NDNF: variants seen among roughly 807,000 people sequenced by gnomAD.
NDNF encodes the protein neuron derived neurotrophic factor.
A neutral mutation model predicts 42.0 loss-of-function variants in NDNF; 16 were observed. The ratio of observed to expected loss-of-function variants is 0.38; its 90% CI spans 0.26 to 0.58. The LOEUF is 0.58. Among genes scored for constraint, NDNF ranks in the 20% least tolerant of loss-of-function variants. NDNF has a pLI of 0.67. For synonymous variants in NDNF, 248 were observed against 251.7 expected (o/e 0.99, Z 0.14); for missense variants, 616 against 666.2 (o/e 0.92, Z 0.83).
chr4:121,045,736 G>A lies in NDNF; in HGVS notation c.102C>T (p.Ile34=), dbSNP rs1249769002. ...AATCATGAAAAAATGCCTTGTCCCGGATCTGCATCTGAAAAAGTTCCTCAT... is the reference window on the plus strand; with the variant it reads ...AATCATGAAAAAATGCCTTGTCCCGAATCTGCATCTGAAAAAGTTCCTCAT... ...TRDEELFQMQ[I]RDKAFFHDSS... The change falls in exon 2 of 4, where the codon ATC becomes ATT. Residue 34 remains isoleucine (I), a synonymous_variant. Transcript: ENST00000379692. 1 of 1,614,048 alleles carries A rather than the reference G, an allele frequency of 6.2e-7. No homozygotes were observed. Among genetic ancestry groups the A allele is most frequent in the East Asian group, 2.2e-5 (1 of 44,904 alleles).
At chr4:121,042,894 G>A (rs10023698) in intron 2 of NDNF, among the ~76,000 whole-genome samples, 125 of 152,210 alleles carry the variant, frequency 8.2e-4, no homozygotes, top group African/African-American at 2.9e-3. Flanking sequence ...TAACTTAAAC[G>A]TAGGTCATAG....
At chr4:121,066,284 G>A (rs1040220893) in intron 1 of NDNF, among the ~76,000 whole-genome samples, 5 of 152,290 alleles carry the variant, frequency 3.3e-5, no homozygotes, top group South Asian at 4.1e-4. Context: ...AGTTTACTAC[G>A]TGTCTTAGCT....
At chr4:121,061,193 G>C (rs1727399081) in intron 1 of NDNF, 1 of 152,264 alleles carries the variant, frequency 6.6e-6, no homozygotes, top group African/African-American at 2.4e-5. Flanking sequence ...CTCCGGAAAG[G>C]TTAGAAAATA....
At chr4:121,049,854 C>A (rs1252540428) in intron 1 of NDNF, among the ~76,000 whole-genome samples, 4 of 152,254 alleles carry the variant, frequency 2.6e-5, no homozygotes, top group Middle Eastern at 3.4e-3. Context: ...CAATTATGGG[C>A]AAAACATACT....
At chr4:121,041,148 C>T (rs968616051) in intron 2 of NDNF, among the ~76,000 whole-genome samples, 2 of 152,094 alleles carry the variant, frequency 1.3e-5, no homozygotes, top group African/African-American at 4.8e-5. Flanking sequence ...TATTGTAATG[C>T]CTTAAAAAGA....
At chr4:121,043,713 A>G (rs1246001930) in intron 2 of NDNF, among the ~76,000 whole-genome samples, 1 of 152,232 alleles carries the variant, frequency 6.6e-6, no homozygotes, top group Non-Finnish European at 1.5e-5. Context: ...ATTGGATTAC[A>G]TAATGTGGAA....
rs1188517257 is a variant in NDNF at position 121,072,408 on chromosome 4, G to A, written c.-417C>T. On this transcript the variant is annotated 5_prime_UTR_variant, in exon 1 of 4. Transcript: ENST00000379692. ...GCGCGGGCTTCGCCGGCCGCCGCTA[G>A]TCGCACAGGCGCCTGGCTGGAGCGC... 6.6e-6 allele frequency: 1 copy of A among 151,432 alleles called. No homozygotes were observed. The highest frequency in any genetic ancestry group is 2.0e-4 in the East Asian group (1 of 5,108). 9.4% of individuals were successfully genotyped at this position (151,432 alleles called of 1,614,324 possible).
At chr4:121,047,546 T>C (rs1727115097) in intron 1 of NDNF, among the ~76,000 whole-genome samples, 1 of 152,194 alleles carries the variant, frequency 6.6e-6, no homozygotes, top group Non-Finnish European at 1.5e-5. Flanking sequence ...CCATAATAAC[T>C]TATTATGAGG....
At chr4:121,050,819 G>T (rs1727180713) in intron 1 of NDNF, among the ~76,000 whole-genome samples, 1 of 152,108 alleles carries the variant, frequency 6.6e-6, no homozygotes, top group Admixed American at 6.6e-5. Flanking sequence ...ATGACCTAAT[G>T]ATTTGATACA....
At chr4:121,065,291 A>G (rs968930391) in intron 1 of NDNF, among the ~76,000 whole-genome samples, 2 of 151,656 alleles carry the variant, frequency 1.3e-5, no homozygotes. Context: ...ATCTTCTGGT[A>G]TTTCCTTCTT....
chr4:121,065,838 T>C (rs997820757), intron 1 of NDNF, among the ~76,000 whole-genome samples: 1 of 152,122 alleles, frequency 6.6e-6, no homozygotes, highest in African/African-American at 2.4e-5. Flanking sequence ...TTAAAATATC[T>C]TTGTAAAATG....
intron 1 of NDNF, among the ~76,000 whole-genome samples, chr4:121,061,629 T>C (rs1027295691): frequency 6.6e-6 from 1 of 152,208 alleles, no homozygotes; most frequent in Non-Finnish European, 1.5e-5. Context: ...TGCAAACACC[T>C]GAATTTATTT....
intron 1 of NDNF, among the ~76,000 whole-genome samples, chr4:121,060,017 C>A (rs951480775): frequency 1.3e-5 from 2 of 152,076 alleles, no homozygotes; most frequent in Non-Finnish European, 2.9e-5. Context: ...TTTGTTAGAA[C>A]TTTCTAATCT....
intron 1 of NDNF, among the ~76,000 whole-genome samples, chr4:121,069,154 C>T (rs907496979): frequency 2.2e-4 from 33 of 152,156 alleles, no homozygotes. Context: ...ACAAGGTTCA[C>T]GCAGCCAACT....
chr4:121,071,209 C>G (rs574431224), intron 1 of NDNF, among the ~76,000 whole-genome samples: 28 of 152,238 alleles, frequency 1.8e-4, no homozygotes, highest in African/African-American at 6.5e-4. Context: ...GACGAGGGCA[C>G]GAAGCCGAGT....
At chr4:121,060,965 G>A (rs1242497625) in intron 1 of NDNF, among the ~76,000 whole-genome samples, 2 of 152,146 alleles carry the variant, frequency 1.3e-5, no homozygotes, top group Non-Finnish European at 2.9e-5. Flanking sequence ...ATAGATAGAT[G>A]AGTGAGTAGA....
intron 1 of NDNF, among the ~76,000 whole-genome samples, chr4:121,049,348 T>C (rs1490779258): frequency 1.3e-5 from 2 of 152,190 alleles, no homozygotes; most frequent in Non-Finnish European, 2.9e-5. Flanking sequence ...CTACCACCGA[T>C]TATAGAAGAT....
Position 121,040,118 on chromosome 4 carries a change from C to A in NDNF, c.189-64G>T, listed in dbSNP as rs558163073. 1.0e-4 allele frequency: 150 copies of A among 1,466,230 alleles called. No individual in the cohort carries two copies. The African/African-American group carries it at 2.0e-3, about 19-fold the overall frequency. The allele number at this position is 1,466,230 out of a possible 1,614,324, so 90.8% of individuals were successfully genotyped here. The stretch of plus-strand genomic sequence containing the variant: ...TTCTAACATTTACAATCAAGACTTA[C>A]CAGAAAAATCATTTGGTTTTAATTT... On this transcript the variant is annotated intron_variant, in intron 2 of 3. Coordinates refer to ENST00000379692, the MANE Select transcript of NDNF (RefSeq NM_024574.4).
Position 121,040,002 on chromosome 4 carries a change from G to C in NDNF, c.241C>G (p.Pro81Ala), listed in dbSNP as rs764598097. The change falls in exon 3 of 4, where the codon CCC (proline) becomes GCC (alanine). Residue 81 changes from proline (P) to alanine (A), a missense_variant. By Grantham distance (27) the Pro-to-Ala change is conservative. Transcript: ENST00000379692. ...TTCCACTCCAAAGGCGCATCACAGG[G>C]CGTCACTGTGACTGATAATGGAGTA... Reference protein sequence around the residue: ...DNTPLSVTVTPCDAPLEWKLS... With the variant: ...DNTPLSVTVTACDAPLEWKLS... The C allele has an allele frequency of 1.1e-5, 17 of 1,613,886 alleles. No homozygotes were observed. In the South Asian group the frequency reaches 1.8e-4, roughly 17 times the overall value.
Sources: allele counts gnomAD v4.1 joint callset (sites outside exome capture counted in the v4.1 genomes callset), GRCh38; gene constraint gnomAD v4.1.1; transcripts MANE v1.5; gene names NCBI Gene and HGNC (gene_info 2026-07-23, HGNC 2026-07-21).